Variants in MYO7B observed in about 807,000 individuals in gnomAD.
MYO7B encodes the protein unconventional myosin-VIIb.
Under a neutral mutation model 259.7 loss-of-function variants are expected in MYO7B, and 212 were observed. That is an observed-to-expected ratio of 0.82 (90% CI 0.73 to 0.91). The LOEUF (loss-of-function observed/expected upper bound fraction) is 0.91. Ranked by LOEUF, MYO7B falls within the 40% of genes least tolerant of loss-of-function variation. The probability of loss-of-function intolerance (pLI) is 0.00; values close to 1 mark genes in which losing one functional copy is unlikely to be tolerated. For missense variants in MYO7B, 2,732 were observed against 2,813.5 expected (o/e 0.97, Z 0.66); for synonymous variants, 1,197 against 1,166.4 (o/e 1.03, Z -0.54).
rs939872963 is a variant in MYO7B, at chr2:127,634,692, GC to G, written c.5713+11del. On this transcript the variant is annotated intron_variant, in intron 42 of 47. Transcript: ENST00000409816. ...CAAGCCCCAGAAAGAAGGTGAGGAG[GC>G]CTCTGTGGAGCTGGGGGAGGGCGTG... The G allele has an allele frequency of 1.9e-6, 3 of 1,604,036 alleles. No homozygotes were observed. In the African/African-American group the frequency reaches 4.3e-5, roughly 23 times the overall value.
Position 127,612,329 on chromosome 2 carries a change from T to C in MYO7B, c.3270+2T>C. The C allele has an allele frequency of 8.6e-7, 1 of 1,158,102 alleles. No homozygotes were observed. Among genetic ancestry groups the C allele is most frequent in the Non-Finnish European group, 1.2e-6 (1 of 803,018 alleles). 71.7% of individuals were successfully genotyped at this position (1,158,102 alleles called of 1,614,324 possible). ...CGGTCCTCCCGGATCACAGGCCAGG[T>C]GAGCCCAGAGCACAGAATCTCTGCT... On this transcript the variant is annotated splice_donor_variant, in intron 25 of 47. Coordinates refer to ENST00000409816, the MANE Select transcript of MYO7B (RefSeq NM_001393586.1). LOFTEE classifies it high-confidence loss of function.
chr2:127,609,482 C>T lies in MYO7B; in HGVS notation c.2815-24C>T, dbSNP rs139808559. ...TTGTTACCTGAAAGCCCTGCTGACC[C>T]GTGTTCTCCCTCAATGGCCGTAGGA... On this transcript the variant is annotated intron_variant, in intron 22 of 47. Coordinates refer to ENST00000409816, the MANE Select transcript of MYO7B (RefSeq NM_001393586.1). This position sits in a 1 kb window ranked among gnomAD's most constrained non-coding sequence, Gnocchi z 6.9. 21 of 1,594,990 alleles carry T rather than the reference C, an allele frequency of 1.3e-5. No homozygotes were observed. The highest frequency in any genetic ancestry group is 6.8e-5 in the East Asian group (3 of 43,972).
intron 1 of MYO7B, among the ~76,000 whole-genome samples, chr2:127,541,747 C>T (rs1020809130): frequency 1.1e-4 from 16 of 152,186 alleles, no homozygotes; most frequent in Admixed American, 9.8e-4. Context: ...CCATATTTCC[C>T]CTCTGATAGG....
intron 19 of MYO7B, 52 bp downstream of exon 19, chr2:127,596,608 C>T: frequency 7.0e-7 from 1 of 1,430,838 alleles, no homozygotes; most frequent in Non-Finnish European, 9.7e-7. Context: ...CACAGTGTCC[C>T]CACACAGGCC....
chr2:127,621,888 T>G (rs1680854835), intron 27 of MYO7B, 94 bp from the exon 28 acceptor site: 70 of 1,513,902 alleles, frequency 4.6e-5, no homozygotes, highest in South Asian at 1.6e-4. Context: ...CATTATACAC[T>G]GAGTATTATA....
chr2:127,629,591 C>T (rs1681349363), intron 34 of MYO7B, 54 bp from the exon 35 acceptor site: 3 of 1,536,450 alleles, frequency 2.0e-6, no homozygotes, highest in Non-Finnish European at 2.6e-6. Flanking sequence ...AAAATTCCAG[C>T]ACAGCCTCTG....
intron 31 of MYO7B, 190 bp from the exon 32 acceptor site, chr2:127,626,785 G>GAA: frequency 1.8e-6 from 1 of 560,086 alleles, no homozygotes; most frequent in Non-Finnish European, 3.2e-6. Context: ...TCTCAAAAAA[G>GAA]AAAAAAAAAG....
intron 6 of MYO7B, among the ~76,000 whole-genome samples, chr2:127,571,442 G>GTTTTTTTTTTTTGTTTTTTTT (rs1553448473): frequency 7.1e-5 from 3 of 41,984 alleles, no homozygotes; most frequent in Non-Finnish European, 9.1e-5. Flanking sequence ...TTACCAGTGA[G>GTTTTTTTTTTTTGTTTTTTTT]TTTTTTTTTT....
intron 1 of MYO7B, among the ~76,000 whole-genome samples, chr2:127,542,318 C>T (rs1007560871): frequency 1.3e-5 from 2 of 152,154 alleles, no homozygotes; most frequent in Admixed American, 1.3e-4. Flanking sequence ...ACTCAGGACC[C>T]TTTTTCTCTG....
At chr2:127,573,156 T>G (rs1489286451) in intron 6 of MYO7B, among the ~76,000 whole-genome samples, 1 of 152,212 alleles carries the variant, frequency 6.6e-6, no homozygotes, top group Non-Finnish European at 1.5e-5. Context: ...TTCATGGGAC[T>G]ATGCTGGATG....
At chr2:127,621,693 C>T (rs549441541) in intron 27 of MYO7B, among the ~76,000 whole-genome samples, 1 of 152,328 alleles carries the variant, frequency 6.6e-6, no homozygotes, top group East Asian at 1.9e-4. Context: ...TCCAGTCATT[C>T]ATCACCATAG....
Position 127,546,629 on chromosome 2 carries a change from G to A in MYO7B, c.-24+10798G>A, listed in dbSNP as rs1184795549. The stretch of plus-strand genomic sequence containing the variant: ...TAGGACACTGATCCCCGTAAGCTCA[G>A]CCACACTGACCTGCCTCAGGGCTTA... On this transcript the variant is annotated intron_variant, in intron 1 of 47. Transcript: ENST00000409816. This position sits in a 1 kb window ranked among gnomAD's most constrained non-coding sequence, Gnocchi z 4.2. Among the ~76,000 whole-genome samples the A allele has an allele frequency of 6.6e-6, 1 of 152,192 alleles. No homozygotes were observed.
At position 127,628,163 on chromosome 2, in the gene MYO7B, C is replaced by A; in HGVS notation, c.4461-209C>A. ...CAGCCAACCCCACACATGGGCTGCA[C>A]CACTCTCAGCCTCCGAGAGGTCCTG... On this transcript the variant is annotated intron_variant, in intron 33 of 47. Transcript: ENST00000409816. This position sits in a 1 kb window ranked among gnomAD's most constrained non-coding sequence, Gnocchi z 4.8. 1.4e-6 allele frequency: 1 copy of A among 701,104 alleles called. No homozygotes were observed. Among genetic ancestry groups the A allele is most frequent in the Non-Finnish European group, 2.6e-6 (1 of 389,584 alleles). The allele number at this position is 701,104 out of a possible 1,614,324, so 43.4% of individuals were successfully genotyped here. A position where few individuals can be genotyped will look rare whatever the true frequency, so the allele number is the denominator to read the frequency against.
intron 3 of MYO7B, among the ~76,000 whole-genome samples, chr2:127,564,702 C>T (rs1401253015): frequency 2.0e-5 from 3 of 152,124 alleles, no homozygotes; most frequent in Middle Eastern, 3.2e-3. Flanking sequence ...GAGTGTCCAG[C>T]CGGTCACTTA....
intron 1 of MYO7B, among the ~76,000 whole-genome samples, chr2:127,558,545 C>T (rs114389897): frequency 0.014 from 2,172 of 152,242 alleles, 48 homozygotes; most frequent in African/African-American, 0.049. Context: ...TACTTGCACG[C>T]ACATGTTTAT....
At chr2:127,610,108 G>A in intron 24 of MYO7B, 92 bp downstream of exon 24, 2 of 1,494,954 alleles carry the variant, frequency 1.3e-6, no homozygotes, top group Admixed American at 4.0e-5. Flanking sequence ...AGGACGGAGA[G>A]ACAAGACCTG....
intron 1 of MYO7B, among the ~76,000 whole-genome samples, chr2:127,536,430 G>T (rs1692779333): frequency 6.7e-6 from 1 of 148,888 alleles, no homozygotes; most frequent in Non-Finnish European, 1.5e-5. Context: ...TGGAAGGCTG[G>T]GACCCTAGGG....
chr2:127,617,490 T>C (rs1345052285), intron 26 of MYO7B, among the ~76,000 whole-genome samples: 2 of 120,620 alleles, frequency 1.7e-5, no homozygotes, highest in Non-Finnish European at 3.4e-5. Flanking sequence ...TAACGGGGTT[T>C]TTTTTTTTTT....
At chr2:127,582,258 C>T in intron 11 of MYO7B, 46 bp from the exon 12 acceptor site, 1 of 1,604,392 alleles carries the variant, frequency 6.2e-7, no homozygotes, top group Non-Finnish European at 8.5e-7. Flanking sequence ...GTAACCTCCG[C>T]CTGAGCCTCC....
Sources: gnomAD v4.1 joint callset for allele counts (sites outside exome capture counted in the v4.1 genomes callset) on GRCh38, gnomAD v4.1.1 for gene constraint, Gnocchi (gnomAD v3.1) non-coding constraint, MANE v1.5 for transcripts, NCBI Gene and HGNC (gene_info 2026-07-23, HGNC 2026-07-21) for gene names.